Variants in THSD4 observed in about 807,000 individuals in gnomAD.
THSD4 encodes thrombospondin type 1 domain containing 4.
In THSD4, 69 loss-of-function variants were observed where a neutral mutation model predicts 119.0. The observed-to-expected ratio is 0.58, with a 90% CI of 0.48 to 0.71. The LOEUF is 0.71. Among genes scored for constraint, THSD4 ranks in the 30% least tolerant of loss-of-function variants. THSD4 has a pLI of 0.00. For missense variants in THSD4, 1,393 were observed against 1,391.1 expected (o/e 1.00, Z -0.02); for synonymous variants, 524 against 540.4 (o/e 0.97, Z 0.42).
intron 8 of THSD4, among the ~76,000 whole-genome samples, chr15:71,685,380 A>G (rs955499212): frequency 6.6e-6 from 1 of 152,156 alleles, no homozygotes. Flanking sequence ...TATTTACAGT[A>G]TTCACATTTT....
In THSD4 at chr15:71,295,155, C is replaced by A. The variant is rs1432668114; in HGVS notation, c.1015+38440C>A. On this transcript the variant is annotated intron_variant, in intron 6 of 17. Transcript: ENST00000261862. ...GATTAGGCAGGAAGGAAATCATCTCCTACCTGGATTACTCAATATCTTCCT... is the reference window on the plus strand; with the variant it reads ...GATTAGGCAGGAAGGAAATCATCTCATACCTGGATTACTCAATATCTTCCT... 2.0e-5 allele frequency among the ~76,000 whole-genome samples: 3 copies of A among 152,254 alleles called. No individual in the cohort carries two copies. In the East Asian group the frequency reaches 5.8e-4, roughly 29 times the overall value.
intron 6 of THSD4, among the ~76,000 whole-genome samples, chr15:71,317,693 G>A (rs1345206043): frequency 6.6e-6 from 1 of 152,164 alleles, no homozygotes; most frequent in Non-Finnish European, 1.5e-5. Flanking sequence ...ATGATTCCAA[G>A]GAAGAGGCTG....
At chr15:71,676,046 A>G (rs2051640865) in intron 8 of THSD4, among the ~76,000 whole-genome samples, 1 of 152,236 alleles carries the variant, frequency 6.6e-6, no homozygotes, top group South Asian at 2.1e-4. Flanking sequence ...CATAGTTATT[A>G]TCTTAGTCAC....
At chr15:71,524,245 G>A (rs551172784) in intron 7 of THSD4, among the ~76,000 whole-genome samples, 41 of 152,354 alleles carry the variant, frequency 2.7e-4, no homozygotes, top group African/African-American at 7.2e-4. Context: ...GATAGCCACA[G>A]GGACTGACAC....
At chr15:71,568,288 A>C (rs12440950) in intron 7 of THSD4, among the ~76,000 whole-genome samples, 48,114 of 151,952 alleles carry the variant, frequency 0.32, 8,306 homozygotes, top group East Asian at 0.68. Context: ...AGCAAAATGC[A>C]TGTTTTCTTC....
intron 10 of THSD4, among the ~76,000 whole-genome samples, chr15:71,736,077 CTTGCTCTCTGTCTCTCTCTT>C (rs2053093809): frequency 1.9e-5 from 1 of 53,724 alleles, no homozygotes; most frequent in Non-Finnish European, 4.1e-5. Flanking sequence ...CTGTCTCTCT[CTTGCTCTCTGTCTCTCTCTT>C]GCTCTCTGTC....
Position 71,564,676 on chromosome 15 carries a change from CATATAATACAATATATAGTATAACAT to C in THSD4, c.1153-95850_1153-95825del, listed in dbSNP as rs1490251226. Among the ~76,000 whole-genome samples the C allele has an allele frequency of 4.4e-3, 80 of 18,026 alleles. 3 individuals carry two copies. Among genetic ancestry groups the C allele is most frequent in the Non-Finnish European group, 5.4e-3 (42 of 7,850 alleles). The allele number at this position is 18,026 out of a possible 152,430, so 11.8% of individuals were successfully genotyped here. On this transcript the variant is annotated intron_variant, in intron 7 of 17. Transcript: ENST00000261862. Reference sequence around the variant, plus strand: ...TAATACAATATATAGTATATTATAACATATAATACAATATATAGTATAACATATAATACAATATATATTGTATATTA... The same window carrying C: ...TAATACAATATATAGTATATTATAACATAATACAATATATATTGTATATTA...
intron 7 of THSD4, among the ~76,000 whole-genome samples, chr15:71,471,181 C>A (rs567948226): frequency 6.6e-6 from 1 of 152,254 alleles, no homozygotes; most frequent in Non-Finnish European, 1.5e-5. Flanking sequence ...GCTACCCCTT[C>A]TGTGACCCAT....
intron 7 of THSD4, among the ~76,000 whole-genome samples, chr15:71,499,888 T>C (rs1015131515): frequency 2.0e-5 from 3 of 152,216 alleles, no homozygotes; most frequent in African/African-American, 7.2e-5. Flanking sequence ...ACTTTATCCA[T>C]TCATCTACAG....
intron 7 of THSD4, among the ~76,000 whole-genome samples, chr15:71,656,026 A>ATGTTTTTCCAGTT (rs2051184101): frequency 1.3e-5 from 2 of 152,198 alleles, no homozygotes; most frequent in African/African-American, 4.8e-5. Context: ...TCTTTCCATT[A>ATGTTTTTCCAGTT]TTCCAAACTG....
At chr15:71,464,933 C>T (rs1047405689) in intron 7 of THSD4, among the ~76,000 whole-genome samples, 7 of 152,124 alleles carry the variant, frequency 4.6e-5, no homozygotes, top group East Asian at 1.9e-4. Flanking sequence ...TGAATATATG[C>T]ACTTTTAATA....
At chr15:71,427,350 A>G (rs184701647) in intron 7 of THSD4, among the ~76,000 whole-genome samples, 39 of 151,308 alleles carry the variant, frequency 2.6e-4, no homozygotes, top group Non-Finnish European at 1.5e-4. Context: ...ATACAAAGTC[A>G]GTTAATAAGC....
chr15:71,326,030 A>C (rs1214895675), intron 6 of THSD4, among the ~76,000 whole-genome samples: 1 of 152,222 alleles, frequency 6.6e-6, no homozygotes, highest in Non-Finnish European at 1.5e-5. Context: ...TAGAGCAAGA[A>C]CATCTACTTA....
Position 71,233,579 on chromosome 15 carries a change from T to C in THSD4, c.465-9070T>C, listed in dbSNP as rs115936560. Among the ~76,000 whole-genome samples, 1,385 of 152,362 alleles carry C rather than the reference T, an allele frequency of 9.1e-3. 26 individuals are homozygous for C. Among genetic ancestry groups the C allele is most frequent in the African/African-American group, 0.03 (1,259 of 41,582 alleles). On this transcript the variant is annotated intron_variant, in intron 4 of 17. Coordinates refer to ENST00000261862, the MANE Select transcript of THSD4 (RefSeq NM_024817.3). ...CTTAACTATGTTTATGAGAGCTTTC[T>C]ATATCAGTATATACACAGCTGCCTC...
At chr15:71,600,664 A>C (rs1022499634) in intron 7 of THSD4, among the ~76,000 whole-genome samples, 1 of 152,122 alleles carries the variant, frequency 6.6e-6, no homozygotes, top group Non-Finnish European at 1.5e-5. Context: ...CACTCATTAC[A>C]TTCTAGACAC....
intron 6 of THSD4, chr15:71,342,711 A>T (rs551355811): frequency 6.6e-6 from 1 of 152,380 alleles, no homozygotes; most frequent in South Asian, 2.1e-4. Flanking sequence ...ATCCCACCTC[A>T]GCCATGGACG....
rs143890923 is a variant in THSD4 at position 71,245,429 on chromosome 15, G to A, written c.912+2333G>A. On this transcript the variant is annotated intron_variant, in intron 5 of 17. Coordinates refer to ENST00000261862, the MANE Select transcript of THSD4 (RefSeq NM_024817.3). ...TCAGAGGTCCCCAAGACCATTCCTGGGTTTGATGATTTCCTAGGAGGACTC... is the reference window on the plus strand; with the variant it reads ...TCAGAGGTCCCCAAGACCATTCCTGAGTTTGATGATTTCCTAGGAGGACTC... Among the ~76,000 whole-genome samples the A allele has an allele frequency of 2.6e-3, 396 of 152,122 alleles. 2 individuals carry two copies. The highest frequency in any genetic ancestry group is 8.7e-3 in the African/African-American group (359 of 41,496).
intron 7 of THSD4, among the ~76,000 whole-genome samples, chr15:71,499,548 A>G (rs542786763): frequency 6.6e-6 from 1 of 151,416 alleles, no homozygotes; most frequent in South Asian, 2.1e-4. Flanking sequence ...TTTTAAGTGT[A>G]TAGTACAATA....
intron 6 of THSD4, among the ~76,000 whole-genome samples, chr15:71,288,521 C>A (rs992681485): frequency 6.6e-6 from 1 of 152,108 alleles, no homozygotes; most frequent in Non-Finnish European, 1.5e-5. Flanking sequence ...AAAATAAATA[C>A]CCTGACTTAT....
Sources: allele counts gnomAD v4.1 joint callset (sites outside exome capture counted in the v4.1 genomes callset), GRCh38; gene constraint gnomAD v4.1.1; transcripts MANE v1.5; gene names NCBI Gene and HGNC (gene_info 2026-07-23, HGNC 2026-07-21).